Variants in TOX observed in about 807,000 individuals in gnomAD.
The protein encoded by TOX is thymocyte selection associated high mobility group box.
A neutral mutation model predicts 53.7 loss-of-function variants in TOX; 11 were observed. The ratio of observed to expected loss-of-function variants is 0.20; its 90% CI spans 0.13 to 0.34. The LOEUF (loss-of-function observed/expected upper bound fraction) is 0.34. Among genes scored for constraint, TOX ranks in the 10% least tolerant of loss-of-function variants. The pLI, the probability that TOX is intolerant of heterozygous loss-of-function variation, is 1.00. For synonymous variants in TOX, 225 were observed against 245.3 expected (o/e 0.92, Z 0.77); for missense variants, 570 against 664.6 (o/e 0.86, Z 1.56).
intron 1 of TOX, among the ~76,000 whole-genome samples, chr8:59,007,017 C>A (rs1019076662): frequency 3.9e-4 from 59 of 152,142 alleles, no homozygotes; most frequent in Non-Finnish European, 8.4e-4. Context: ...TGGATTGAAT[C>A]CTGTTGAAAT....
intron 3 of TOX, among the ~76,000 whole-genome samples, chr8:58,908,000 T>C (rs1207743414): frequency 6.6e-6 from 1 of 152,212 alleles, no homozygotes; most frequent in Non-Finnish European, 1.5e-5. Context: ...TAGGTAAACA[T>C]GTGCTATAGT....
At chr8:58,812,711 C>T (rs1428332218) in intron 7 of TOX, among the ~76,000 whole-genome samples, 6 of 152,170 alleles carry the variant, frequency 3.9e-5, no homozygotes, top group Non-Finnish European at 7.3e-5. Context: ...CTCCACGGGG[C>T]AGGGGTCTCA....
chr8:59,040,126 G>T (rs2129420632), intron 1 of TOX, among the ~76,000 whole-genome samples: 1 of 152,092 alleles, frequency 6.6e-6, no homozygotes, highest in Admixed American at 6.5e-5. Context: ...TCAGGAGATC[G>T]AGACCATCCC....
intron 1 of TOX, among the ~76,000 whole-genome samples, chr8:58,995,731 T>C (rs965714771): frequency 5.9e-5 from 9 of 152,254 alleles, no homozygotes; most frequent in Non-Finnish European, 1.3e-4. Context: ...CATCCCTTCA[T>C]ATGCTGGTCG....
intron 1 of TOX, among the ~76,000 whole-genome samples, chr8:59,063,427 T>A (rs999012516): frequency 1.1e-5 from 1 of 94,958 alleles, no homozygotes; most frequent in Non-Finnish European, 1.9e-5. Context: ...GGATATAGAC[T>A]TTTTTTTTTT....
intron 1 of TOX, among the ~76,000 whole-genome samples, chr8:59,046,497 G>T (rs1251308634): frequency 1.3e-5 from 2 of 151,890 alleles, no homozygotes; most frequent in African/African-American, 4.8e-5. Context: ...GATTGCAAAG[G>T]GTTCATAATT....
intron 1 of TOX, among the ~76,000 whole-genome samples, chr8:59,092,146 G>T (rs950534002): frequency 6.7e-6 from 1 of 149,558 alleles, no homozygotes; most frequent in African/African-American, 2.5e-5. Flanking sequence ...CAGCTACTCG[G>T]GAGGCAGAGG....
intron 1 of TOX, among the ~76,000 whole-genome samples, chr8:59,018,997 G>A (rs1814069674): frequency 1.3e-5 from 2 of 152,114 alleles, no homozygotes; most frequent in South Asian, 4.1e-4. Context: ...AAGCCTTGTA[G>A]CCTGGGTAAT....
rs1457978184 is a variant in TOX at position 58,851,166 on chromosome 8, C to CTG, written c.693+357_693+358insCA. 2.2e-5 allele frequency among the ~76,000 whole-genome samples: 3 copies of CTG among 136,392 alleles called. No homozygotes were observed. The highest frequency in any genetic ancestry group is 9.0e-5 in the African/African-American group (3 of 33,214). The allele number at this position is 136,392 out of a possible 152,430, so 89.5% of individuals were successfully genotyped here. ...ATCTCCTCTCTCTCTCTGTCTCTCT[C>CTG]TCTCTCTCTCTCTCTCTCTCACACA... On this transcript the variant is annotated intron_variant, in intron 4 of 8. Transcript: ENST00000361421. The surrounding 1 kb of genome is among the most constrained non-coding windows in gnomAD (Gnocchi z 4.4).
intron 1 of TOX, among the ~76,000 whole-genome samples, chr8:59,087,388 T>C (rs1390848432): frequency 6.6e-6 from 1 of 152,206 alleles, no homozygotes; most frequent in Non-Finnish European, 1.5e-5. Context: ...GAGAAAAATA[T>C]AGCTAATCAA....
At chr8:59,077,738 G>A (rs369167034) in intron 1 of TOX, among the ~76,000 whole-genome samples, 8 of 152,148 alleles carry the variant, frequency 5.3e-5, no homozygotes, top group South Asian at 2.1e-4. Flanking sequence ...AATGAAGTTC[G>A]ATACTTATTG....
At chr8:59,046,015 C>T (rs1363622958) in intron 1 of TOX, among the ~76,000 whole-genome samples, 1 of 152,106 alleles carries the variant, frequency 6.6e-6, no homozygotes, top group Non-Finnish European at 1.5e-5. Context: ...ACAAATAGTG[C>T]CTGTGTTTGC....
chr8:59,098,676 A>G (rs1586018508), intron 1 of TOX, among the ~76,000 whole-genome samples: 2 of 152,192 alleles, frequency 1.3e-5, no homozygotes, highest in African/African-American at 2.4e-5. Flanking sequence ...AACTGTTTTA[A>G]TCAAGATGCC....
At chr8:58,830,370 G>C (rs1366148905) in intron 5 of TOX, among the ~76,000 whole-genome samples, 1 of 152,086 alleles carries the variant, frequency 6.6e-6, no homozygotes, top group Non-Finnish European at 1.5e-5. Context: ...AACATACGTA[G>C]ATAGTCATCA....
chr8:58,859,685 C>T (rs1050078978), intron 3 of TOX, among the ~76,000 whole-genome samples: 4 of 152,180 alleles, frequency 2.6e-5, no homozygotes, highest in Admixed American at 2.0e-4. Flanking sequence ...TCTACATTAC[C>T]TGACCATCTC....
chr8:58,978,179 GAAAGCCCAAGGGGAT>G (rs1813138977), intron 1 of TOX, among the ~76,000 whole-genome samples: 1 of 151,970 alleles, frequency 6.6e-6, no homozygotes, highest in East Asian at 1.9e-4. Context: ...GGAAAGAGTG[GAAAGCCCAAGGGGAT>G]CTGCCTGGGA....
At chr8:58,936,592 G>A (rs965758428) in intron 3 of TOX, among the ~76,000 whole-genome samples, 1 of 152,064 alleles carries the variant, frequency 6.6e-6, no homozygotes, top group African/African-American at 2.4e-5. Flanking sequence ...GAACTGAAGA[G>A]GCTCTTTGTT....
intron 3 of TOX, among the ~76,000 whole-genome samples, chr8:58,932,882 T>G (rs1236416392): frequency 6.6e-6 from 1 of 152,092 alleles, no homozygotes; most frequent in Non-Finnish European, 1.5e-5. Flanking sequence ...ATGCTAAAAA[T>G]GACAATAAAT....
At chr8:58,830,173 G>T (rs1810429504) in intron 5 of TOX, among the ~76,000 whole-genome samples, 1 of 152,104 alleles carries the variant, frequency 6.6e-6, no homozygotes, top group South Asian at 2.1e-4. Flanking sequence ...TACAAAGTTG[G>T]CCAGATGAGG....
Sources: gnomAD v4.1 joint callset for allele counts (sites outside exome capture counted in the v4.1 genomes callset) on GRCh38, gnomAD v4.1.1 for gene constraint, Gnocchi (gnomAD v3.1) non-coding constraint, MANE v1.5 for transcripts, NCBI Gene and HGNC (gene_info 2026-07-23, HGNC 2026-07-21) for gene names.